Variants in CELF2 observed in about 807,000 individuals in gnomAD.
CELF2 encodes CUG triplet repeat RNA-binding protein 2.
A neutral mutation model predicts 62.6 loss-of-function variants in CELF2; 8 were observed. The observed-to-expected ratio is 0.13, with a 90% CI of 0.07 to 0.23. The LOEUF (loss-of-function observed/expected upper bound fraction) is 0.23, where lower values mean the gene tolerates loss of function less well. Ranked by LOEUF, CELF2 falls within the 10% of genes least tolerant of loss-of-function variation. CELF2 has a pLI of 1.00. For synonymous variants in CELF2, 258 were observed against 250.0 expected (o/e 1.03, Z -0.30); for missense variants, 333 against 671.0 (o/e 0.50, Z 5.56).
chr10:10,767,805 G>A, the CELF2 span, among the ~76,000 whole-genome samples: 1 of 151,976 alleles, frequency 6.6e-6, no homozygotes, highest in African/African-American at 2.4e-5. Context: ...GACCATCCTG[G>A]CTAACACGGT....
At chr10:10,541,363 T>G in the CELF2 span, among the ~76,000 whole-genome samples, 4 of 151,888 alleles carry the variant, frequency 2.6e-5, no homozygotes, top group Non-Finnish European at 5.9e-5. Flanking sequence ...TTGGACCTCA[T>G]GCAAGAAAGA....
intron 9 of CELF2, among the ~76,000 whole-genome samples, chr10:11,308,829 T>C (rs2094413407): frequency 7.1e-6 from 1 of 140,844 alleles, no homozygotes; most frequent in South Asian, 2.2e-4. Context: ...CTGGTAGATG[T>C]CTATCACATG....
chr10:10,702,805 C>T, the CELF2 span, among the ~76,000 whole-genome samples: 5 of 152,186 alleles, frequency 3.3e-5, no homozygotes, highest in African/African-American at 7.2e-5. Context: ...ACACTGGTCT[C>T]GAACTCCTGA....
intron 1 of CELF2, among the ~76,000 whole-genome samples, chr10:11,125,632 C>T (rs1406013963): frequency 6.6e-6 from 1 of 152,100 alleles, no homozygotes; most frequent in Non-Finnish European, 1.5e-5. Context: ...CAAAATGGCG[C>T]AGTGGTCCAG....
At chr10:10,633,990 T>G in the CELF2 span, among the ~76,000 whole-genome samples, 1 of 152,232 alleles carries the variant, frequency 6.6e-6, no homozygotes, top group African/African-American at 2.4e-5. Flanking sequence ...TAAATTGTTA[T>G]AGTTATTTTA....
the CELF2 span, among the ~76,000 whole-genome samples, chr10:10,536,826 G>A: frequency 1.3e-5 from 2 of 152,234 alleles, no homozygotes; most frequent in African/African-American, 4.8e-5. Context: ...GCATGAAGCA[G>A]CTCGGGCTGG....
chr10:10,958,344 G>C (rs961845388), intron 2 of CELF2, among the ~76,000 whole-genome samples: 1 of 152,140 alleles, frequency 6.6e-6, no homozygotes, highest in Non-Finnish European at 1.5e-5. Context: ...TTTTAAAAGG[G>C]GAAAATAGAA....
At position 11,246,101 on chromosome 10, in the gene CELF2, A is replaced by G. The variant is rs2075526303; in HGVS notation, c.355-3052A>G. 6.6e-6 allele frequency among the ~76,000 whole-genome samples: 1 copy of G among 152,006 alleles called. No homozygotes were observed. Among genetic ancestry groups the G allele is most frequent in the Admixed American group, 6.6e-5 (1 of 15,262 alleles). On this transcript the variant is annotated intron_variant, in intron 3 of 12. Transcript: ENST00000633077. The surrounding 1 kb of genome is among the most constrained non-coding windows in gnomAD (Gnocchi z 4.6). ...TGCTGCTCCCGAATTTCCACCTGCC[A>G]TCATCCACGCATTTCACAGATGCAT...
intron 1 of CELF2, among the ~76,000 whole-genome samples, chr10:10,848,296 C>T (rs555518543): frequency 6.6e-6 from 1 of 152,252 alleles, no homozygotes; most frequent in African/African-American, 2.4e-5. Context: ...CTATTTTACC[C>T]ATCTAAAGTT....
chr10:11,220,834 C>T lies in CELF2; in HGVS notation c.354+3327C>T, dbSNP rs1308082335. Among the ~76,000 whole-genome samples the T allele has an allele frequency of 1.3e-5, 2 of 152,214 alleles. No individual in the cohort carries two copies. The highest frequency in any genetic ancestry group is 6.5e-5 in the Admixed American group (1 of 15,290). ...GGTACAGTGCCTCATTAGTTACTGA[C>T]ATTTCATGAGATTAATCCCAAATGA... On this transcript the variant is annotated intron_variant, in intron 3 of 12. Transcript: ENST00000633077. The surrounding 1 kb of genome is among the most constrained non-coding windows in gnomAD (Gnocchi z 4.4).
chr10:10,708,988 T>C, the CELF2 span, among the ~76,000 whole-genome samples: 5 of 152,310 alleles, frequency 3.3e-5, no homozygotes, highest in South Asian at 1.0e-3. Flanking sequence ...ATTTCTGGCC[T>C]GTGGTCTTTA....
intron 1 of CELF2, among the ~76,000 whole-genome samples, chr10:10,802,543 T>C (rs1215237790): frequency 1.1e-5 from 1 of 92,306 alleles, no homozygotes; most frequent in African/African-American, 4.8e-5. Context: ...TGTTTATAGA[T>C]AAGACTTGAG....
the CELF2 span, among the ~76,000 whole-genome samples, chr10:10,673,576 C>T: frequency 1.3e-5 from 2 of 152,028 alleles, no homozygotes; most frequent in East Asian, 3.9e-4. Flanking sequence ...ATTCTACTTA[C>T]TTTGGATTTA....
At chr10:11,105,791 A>T (rs2053264750) in intron 1 of CELF2, among the ~76,000 whole-genome samples, 1 of 152,174 alleles carries the variant, frequency 6.6e-6, no homozygotes, top group Non-Finnish European at 1.5e-5. Context: ...CTGCATGTCC[A>T]CAGAGCTTGC....
chr10:11,021,746 C>A (rs773524656), intron 1 of CELF2, among the ~76,000 whole-genome samples: 1 of 152,160 alleles, frequency 6.6e-6, no homozygotes, highest in Non-Finnish European at 1.5e-5. Flanking sequence ...TAAGTGAACA[C>A]ATGTGGGGTG....
At chr10:10,520,284 A>T in the CELF2 span, among the ~76,000 whole-genome samples, 1 of 152,194 alleles carries the variant, frequency 6.6e-6, no homozygotes, top group Non-Finnish European at 1.5e-5. Flanking sequence ...ACCCTGGTTC[A>T]ACATTCACTG....
At chr10:10,728,282 TA>T in the CELF2 span, among the ~76,000 whole-genome samples, 5,436 of 139,830 alleles carry the variant, frequency 0.039, 137 homozygotes, top group Non-Finnish European at 0.056. Flanking sequence ...CTACTAAAAT[TA>T]AAAAAAAAAA....
chr10:10,755,534 C>T, the CELF2 span, among the ~76,000 whole-genome samples: 1 of 152,220 alleles, frequency 6.6e-6, no homozygotes, highest in African/African-American at 2.4e-5. Flanking sequence ...CTGCTTCCTC[C>T]TCAGATTGGT....
intron 1 of CELF2, among the ~76,000 whole-genome samples, chr10:11,092,786 A>G (rs571425938): frequency 6.6e-6 from 1 of 152,346 alleles, no homozygotes; most frequent in Admixed American, 6.5e-5. Flanking sequence ...TGCTGTTTTC[A>G]CAAATGCCAA....
Sources: allele counts gnomAD v4.1 joint callset (sites outside exome capture counted in the v4.1 genomes callset), GRCh38; gene constraint gnomAD v4.1.1; non-coding constraint Gnocchi (gnomAD v3.1); transcripts MANE v1.5; gene names NCBI Gene and HGNC (gene_info 2026-07-23, HGNC 2026-07-21).